QRFPR: variants seen among roughly 807,000 people sequenced by gnomAD.
QRFPR encodes the protein pyroglutamylated RFamide peptide receptor.
Under a neutral mutation model 31.3 loss-of-function variants are expected in QRFPR, and 37 were observed. The observed-to-expected ratio is 1.18, with a 90% CI of 0.91 to 1.56. QRFPR has a LOEUF of 1.56. Ranked by LOEUF, QRFPR falls within the 40% of genes most tolerant of loss-of-function variation. QRFPR has a pLI of 0.00. For missense variants in QRFPR, 542 were observed against 532.5 expected, an observed-to-expected ratio of 1.02 and a Z score of -0.18; for synonymous variants, 197 against 192.0, an observed-to-expected ratio of 1.03 and a Z score of -0.22.
intron 1 of QRFPR, among the ~76,000 whole-genome samples, chr4:121,365,514 ATATTATATATAT>A (rs1579586705): frequency 2.9e-4 from 1 of 3,508 alleles, no homozygotes; most frequent in South Asian, 0.017. Flanking sequence ...TATATAATAT[ATATTATATATAT>A]TATATATAAT....
At chr4:121,376,778 G>A (rs1726361462) in intron 1 of QRFPR, among the ~76,000 whole-genome samples, 1 of 152,180 alleles carries the variant, frequency 6.6e-6, no homozygotes, top group African/African-American at 2.4e-5. Context: ...AGCCCTTCAG[G>A]AGATTCTCTG....
At chr4:121,336,476 A>G (rs1051206353) in intron 3 of QRFPR, among the ~76,000 whole-genome samples, 3 of 152,350 alleles carry the variant, frequency 2.0e-5, no homozygotes, top group Admixed American at 6.5e-5. Context: ...AAAAACCTAG[A>G]GCAATCATTC....
intron 2 of QRFPR, among the ~76,000 whole-genome samples, chr4:121,338,685 T>A (rs1725480727): frequency 6.6e-6 from 1 of 152,174 alleles, no homozygotes; most frequent in African/African-American, 2.4e-5. Flanking sequence ...AAACACTGAC[T>A]GACAAGGCTG....
intron 1 of QRFPR, among the ~76,000 whole-genome samples, chr4:121,364,366 G>A (rs550900369): frequency 6.6e-6 from 1 of 150,480 alleles, no homozygotes; most frequent in Non-Finnish European, 1.5e-5. Flanking sequence ...GCTGGGCATG[G>A]TGGCTCACGC....
intron 1 of QRFPR, among the ~76,000 whole-genome samples, chr4:121,351,416 T>C (rs977063693): frequency 6.6e-6 from 1 of 152,174 alleles, no homozygotes; most frequent in Non-Finnish European, 1.5e-5. Flanking sequence ...TTGTCTATAC[T>C]GGTATGTTTC....
chr4:121,331,656 A>G (rs959934437), intron 4 of QRFPR, among the ~76,000 whole-genome samples: 3 of 141,850 alleles, frequency 2.1e-5, no homozygotes, highest in Non-Finnish European at 3.0e-5. Context: ...TATTATTATT[A>G]TTGTTATTAT....
At chr4:121,370,977 G>A (rs538190059) in intron 1 of QRFPR, among the ~76,000 whole-genome samples, 11 of 152,240 alleles carry the variant, frequency 7.2e-5, no homozygotes, top group African/African-American at 2.6e-4. Context: ...CTTCTAATAG[G>A]GGAAGCTTTA....
intron 1 of QRFPR, among the ~76,000 whole-genome samples, chr4:121,349,430 T>C (rs2110473892): frequency 6.6e-6 from 1 of 152,318 alleles, no homozygotes; most frequent in South Asian, 2.1e-4. Context: ...TTGCTCCACA[T>C]TATGGAGATG....
intron 1 of QRFPR, among the ~76,000 whole-genome samples, chr4:121,366,630 T>A (rs1579588181): frequency 6.7e-6 from 1 of 149,878 alleles, no homozygotes; most frequent in East Asian, 2.0e-4. Context: ...GATGTAGCAC[T>A]GAGAGTGAAC....
rs1726126040 is a variant in QRFPR, at chr4:121,365,788, C to T, written c.340+14520G>A. 2.2e-5 allele frequency among the ~76,000 whole-genome samples: 3 copies of T among 137,098 alleles called. No individual in the cohort carries two copies. The South Asian group carries it at 6.7e-4, about 31-fold the overall frequency. 89.9% of individuals were successfully genotyped at this position (137,098 alleles called of 152,430 possible). On this transcript the variant is annotated intron_variant, in intron 1 of 5. Coordinates refer to ENST00000394427, the MANE Select transcript of QRFPR (RefSeq NM_198179.3). ...AAATTCATCGTAATAAGAATAAATC[C>T]TTTATTGTTTGTAGACATTACAGTA...
At position 121,335,885 on chromosome 4, in the gene QRFPR, T is replaced by TA. The variant is rs546042046; in HGVS notation, c.561+921dup. 5.9e-5 allele frequency among the ~76,000 whole-genome samples: 9 copies of TA among 152,218 alleles called. No individual in the cohort carries two copies. The East Asian group carries it at 1.7e-3, about 29-fold the overall frequency. ...ATTCATGATATTTCACCAAGAGGAC[T>TA]AAAAAAGTCCTTAGATGCATTTTTC... On this transcript the variant is annotated intron_variant, in intron 3 of 5. Transcript: ENST00000394427.
rs188945908 is a variant in QRFPR, at chr4:121,378,440, T to A, written c.340+1868A>T. On this transcript the variant is annotated intron_variant, in intron 1 of 5. Transcript: ENST00000394427. ...TTTTTTTTTTTTTTTTGAGACGGAG[T>A]CTTGCTCTGTCACCCAGGTTGGAGT... Among the ~76,000 whole-genome samples, 1,390 of 132,476 alleles carry A rather than the reference T, an allele frequency of 0.01. 90 individuals are homozygous for A. The Admixed American group carries it at 0.11, about 10-fold the overall frequency. The allele number at this position is 132,476 out of a possible 152,430, so 86.9% of individuals were successfully genotyped here. A position where few individuals can be genotyped will look rare whatever the true frequency, so the allele number is the denominator to read the frequency against.
At chr4:121,365,605 A>ATAT (rs1560744104) in intron 1 of QRFPR, among the ~76,000 whole-genome samples, 5 of 4,768 alleles carry the variant, frequency 1.0e-3, no homozygotes, top group African/African-American at 3.0e-3. Flanking sequence ...TATATATAAT[A>ATAT]TATATATTAT....
At chr4:121,369,906 C>T in intron 1 of QRFPR, 1 of 780,636 alleles carries the variant, frequency 1.3e-6, no homozygotes, top group Non-Finnish European at 2.4e-6. Context: ...GCTTCTGCTA[C>T]TCTAAGGTAC....
rs138843319 is a variant in QRFPR, at chr4:121,372,598, C to T, written c.340+7710G>A. 4.6e-3 allele frequency among the ~76,000 whole-genome samples: 706 copies of T among 152,316 alleles called. 4 individuals carry two copies. The highest frequency in any genetic ancestry group is 0.016 in the African/African-American group (669 of 41,568). On this transcript the variant is annotated intron_variant, in intron 1 of 5. Coordinates refer to ENST00000394427, the MANE Select transcript of QRFPR (RefSeq NM_198179.3). ...ACTCCCCACTCTGCCCTCCCCATAGCCCCTGGTAACATTAGTACCTTTTCT... is the reference window on the plus strand; with the variant it reads ...ACTCCCCACTCTGCCCTCCCCATAGTCCCTGGTAACATTAGTACCTTTTCT...
chr4:121,364,829 G>A (rs1726059980), intron 1 of QRFPR, among the ~76,000 whole-genome samples: 1 of 149,664 alleles, frequency 6.7e-6, no homozygotes, highest in Non-Finnish European at 1.5e-5. Context: ...TAGAGGATAT[G>A]AGATAGTAAA....
intron 1 of QRFPR, among the ~76,000 whole-genome samples, chr4:121,354,535 G>A (rs905100873): frequency 6.6e-6 from 1 of 151,802 alleles, no homozygotes; most frequent in Non-Finnish European, 1.5e-5. Context: ...CAATTTGGAT[G>A]TCATTTATTT....
Position 121,330,425 on chromosome 4 carries a change from C to T in QRFPR, c.895+1G>A, listed in dbSNP as rs1339381828. On this transcript the variant is annotated splice_donor_variant, in intron 5 of 5. Transcript: ENST00000394427. LOFTEE classifies it high-confidence loss of function. ...ATCAAATGAGAATGACAAGCACTCACTGTATTCAATCATCATATGGACAAC... is the reference window on the plus strand; with the variant it reads ...ATCAAATGAGAATGACAAGCACTCATTGTATTCAATCATCATATGGACAAC... The T allele has an allele frequency of 2.5e-6, 4 of 1,592,586 alleles. No individual in the cohort carries two copies. Among genetic ancestry groups the T allele is most frequent in the Non-Finnish European group, 2.6e-6 (3 of 1,160,950 alleles).
intron 4 of QRFPR, among the ~76,000 whole-genome samples, chr4:121,332,429 T>C (rs1235456224): frequency 2.0e-5 from 3 of 152,338 alleles, no homozygotes; most frequent in Middle Eastern, 3.4e-3. Context: ...ATGGATGTTA[T>C]TATGCTCCTT....
Sources: allele counts gnomAD v4.1 joint callset (sites outside exome capture counted in the v4.1 genomes callset), GRCh38; gene constraint gnomAD v4.1.1; transcripts MANE v1.5; gene names NCBI Gene and HGNC (gene_info 2026-07-23, HGNC 2026-07-21).